The following BMPR1B variants were observed in gnomAD, a reference collection of about 807,000 sequenced individuals.
BMPR1B encodes the protein bone morphogenetic protein receptor type 1B, also known as bone morphogenetic protein receptor type-1B.
Under a neutral mutation model 59.1 loss-of-function variants are expected in BMPR1B, and 12 were observed. The ratio of observed to expected loss-of-function variants is 0.20; its 90% CI spans 0.13 to 0.33. The LOEUF (loss-of-function observed/expected upper bound fraction) is 0.33. BMPR1B is among the 10% of genes least tolerant of loss of function. BMPR1B has a pLI of 1.00. For synonymous variants in BMPR1B, 237 were observed against 207.3 expected, an observed-to-expected ratio of 1.14 and a Z score of -1.23; for missense variants, 550 against 610.9, an observed-to-expected ratio of 0.90 and a Z score of 1.05.
At chr4:94,959,130 G>A (rs1302088031) in intron 2 of BMPR1B, among the ~76,000 whole-genome samples, 5 of 152,056 alleles carry the variant, frequency 3.3e-5, no homozygotes, top group African/African-American at 9.7e-5. Context: ...GTGATGGGGA[G>A]TCCATATTAA....
At chr4:94,799,157 A>G (rs1723303072) in intron 1 of BMPR1B, among the ~76,000 whole-genome samples, 1 of 147,164 alleles carries the variant, frequency 6.8e-6, no homozygotes, top group African/African-American at 2.5e-5. Context: ...CCTCCCCCTC[A>G]TTCATACTAG....
At chr4:94,793,379 G>C (rs891307430) in intron 1 of BMPR1B, among the ~76,000 whole-genome samples, 2 of 151,198 alleles carry the variant, frequency 1.3e-5, no homozygotes, top group African/African-American at 4.9e-5. Context: ...AGTATTCCAT[G>C]GTGTATATGT....
At chr4:94,911,957 G>A (rs1728289217) in intron 2 of BMPR1B, among the ~76,000 whole-genome samples, 1 of 152,062 alleles carries the variant, frequency 6.6e-6, no homozygotes, top group African/African-American at 2.4e-5. Flanking sequence ...CCCGAGACTG[G>A]GCAATTTACA....
intron 2 of BMPR1B, among the ~76,000 whole-genome samples, chr4:94,965,133 A>G (rs142344371): frequency 6.6e-6 from 1 of 152,280 alleles, no homozygotes; most frequent in East Asian, 1.9e-4. Context: ...TTAGTCAGAC[A>G]TTAACCCCTA....
chr4:95,121,537 GAC>G (rs1487007835), intron 6 of BMPR1B, among the ~76,000 whole-genome samples: 1 of 152,002 alleles, frequency 6.6e-6, no homozygotes, highest in Non-Finnish European at 1.5e-5. Flanking sequence ...AAATAATACA[GAC>G]ACACAAATAA....
chr4:95,112,170 A>C (rs2149274487), intron 4 of BMPR1B, among the ~76,000 whole-genome samples: 1 of 152,224 alleles, frequency 6.6e-6, no homozygotes, highest in East Asian at 1.9e-4. Flanking sequence ...ATGTTCATGT[A>C]TATATCTCAC....
At chr4:95,017,004 C>A (rs1723628726) in intron 3 of BMPR1B, among the ~76,000 whole-genome samples, 2 of 152,132 alleles carry the variant, frequency 1.3e-5, no homozygotes, top group South Asian at 4.1e-4. Context: ...ATTTTATTTG[C>A]TCCTTCAGTT....
Position 95,148,756 on chromosome 4 carries a change from A to G in BMPR1B, c.1085A>G (p.Asn362Ser). 1.2e-6 allele frequency: 2 copies of G among 1,613,956 alleles called. No homozygotes were observed. The highest frequency in any genetic ancestry group is 8.5e-7 in the Non-Finnish European group (1 of 1,179,868). The stretch of plus-strand genomic sequence containing the variant: ...CTTTACTTTTTCCTTAGTGATACAA[A>G]TGAAGTTGACATACCACCTAACACT... ...GLAVKFISDT[N>S]EVDIPPNTRV... Residue 362 changes from asparagine (N) to serine (S), a missense_variant, in exon 11 of 13, where the codon AAT becomes AGT. Asn to Ser is a conservative substitution (Grantham distance 46). Transcript: ENST00000515059.
chr4:94,798,372 G>A (rs933184517), intron 1 of BMPR1B, among the ~76,000 whole-genome samples: 1 of 152,206 alleles, frequency 6.6e-6, no homozygotes, highest in African/African-American at 2.4e-5. Context: ...TATTAAATGT[G>A]TCCCACAGCT....
chr4:94,892,681 C>T (rs569900744), intron 2 of BMPR1B, among the ~76,000 whole-genome samples: 1 of 152,154 alleles, frequency 6.6e-6, no homozygotes, highest in South Asian at 2.1e-4. Flanking sequence ...TAAAGACCCA[C>T]AAGCATTTGT....
chr4:95,107,677 G>A (rs922861229), intron 4 of BMPR1B, among the ~76,000 whole-genome samples: 4 of 152,014 alleles, frequency 2.6e-5, no homozygotes, highest in Admixed American at 2.0e-4. Flanking sequence ...GAATTCCGAG[G>A]CTCTAAAAAG....
intron 2 of BMPR1B, among the ~76,000 whole-genome samples, chr4:94,978,410 C>G (rs1280974366): frequency 6.6e-6 from 1 of 152,216 alleles, no homozygotes; most frequent in African/African-American, 2.4e-5. Context: ...GTCCAGGCAT[C>G]TCTTTATTCG....
Position 95,148,910 on chromosome 4 carries a change from A to G in BMPR1B, c.1239A>G (p.Arg413=), listed in dbSNP as rs186299744. Residue 413 remains arginine, a synonymous_variant, in exon 11 of 13, where the codon AGA becomes AGG. Transcript: ENST00000515059. ...TCATCCTTTGGGAGGTTGCTAGGAG[A>G]TGTGTATCAGGAGGTAAGAAACAGT... ...FGLILWEVAR[R]CVSGGIVEEY... is the part of the protein sequence containing the mutation. 1 of 1,613,918 alleles carries G rather than the reference A, an allele frequency of 6.2e-7. No homozygotes were observed. Among genetic ancestry groups the G allele is most frequent in the South Asian group, 1.1e-5 (1 of 91,080 alleles).
intron 3 of BMPR1B, among the ~76,000 whole-genome samples, chr4:94,997,725 G>C (rs1053064947): frequency 3.3e-5 from 5 of 152,132 alleles, no homozygotes; most frequent in Admixed American, 3.3e-4. Context: ...GATTGATCTA[G>C]AATGGGCATT....
chr4:94,868,243 A>G (rs1343099829), intron 1 of BMPR1B, among the ~76,000 whole-genome samples: 1 of 148,814 alleles, frequency 6.7e-6, no homozygotes. Context: ...ATCTTAGTTC[A>G]CCTCTACCTC....
chr4:95,100,971 G>A (rs1351655131), intron 3 of BMPR1B, among the ~76,000 whole-genome samples: 1 of 151,946 alleles, frequency 6.6e-6, no homozygotes, highest in Non-Finnish European at 1.5e-5. Context: ...AGTCTTTGAG[G>A]TTTTTTCAAA....
At chr4:94,911,081 A>G (rs553868091) in intron 2 of BMPR1B, among the ~76,000 whole-genome samples, 2 of 152,298 alleles carry the variant, frequency 1.3e-5, no homozygotes, top group South Asian at 2.1e-4. Context: ...TGTATTCATA[A>G]AAACTATTCT....
At chr4:95,058,843 A>G (rs1252678564) in intron 3 of BMPR1B, among the ~76,000 whole-genome samples, 1 of 152,196 alleles carries the variant, frequency 6.6e-6, no homozygotes, top group Admixed American at 6.5e-5. Flanking sequence ...TGAAGAAATT[A>G]ATAAAAACTT....
At chr4:94,832,404 T>G (rs1724634921) in intron 1 of BMPR1B, among the ~76,000 whole-genome samples, 1 of 152,104 alleles carries the variant, frequency 6.6e-6, no homozygotes, top group Non-Finnish European at 1.5e-5. Flanking sequence ...TTAACTAGAG[T>G]CCCCAGTGGT....
Sources: gnomAD v4.1 joint callset for allele counts (sites outside exome capture counted in the v4.1 genomes callset) on GRCh38, gnomAD v4.1.1 for gene constraint, MANE v1.5 for transcripts, NCBI Gene and HGNC (gene_info 2026-07-23, HGNC 2026-07-21) for gene names.